Variants in TYW3 observed in about 807,000 individuals in gnomAD.
TYW3 encodes the protein tRNA-yW synthesizing protein 3 homolog.
Under a neutral mutation model 23.1 loss-of-function variants are expected in TYW3, and 26 were observed. The observed-to-expected ratio is 1.13, with a 90% CI of 0.83 to 1.56. The LOEUF is 1.56. TYW3 is among the 40% of genes most tolerant of loss of function. TYW3 has a pLI of 0.00. For missense variants in TYW3, 316 were observed against 311.9 expected, an observed-to-expected ratio of 1.01 and a Z score of -0.10; for synonymous variants, 102 against 105.7, an observed-to-expected ratio of 0.97 and a Z score of 0.21.
chr1:74,759,189 C>T (rs2100776791), intron 5 of TYW3, among the ~76,000 whole-genome samples: 1 of 152,028 alleles, frequency 6.6e-6, no homozygotes, highest in East Asian at 1.9e-4. Context: ...TTTCTATAGC[C>T]TAAGGAAGAA....
chr1:74,751,556 G>A, intron 4 of TYW3: 1 of 152,386 alleles, frequency 6.6e-6, no homozygotes, highest in Non-Finnish European at 1.5e-5. Context: ...TGTAATCCCA[G>A]CTACTCTGGA....
intron 2 of TYW3, among the ~76,000 whole-genome samples, chr1:74,738,162 G>A (rs967383627): frequency 6.6e-6 from 1 of 152,020 alleles, no homozygotes; most frequent in African/African-American, 2.4e-5. Flanking sequence ...AACTGTGCCT[G>A]TTACAGAGGG....
intron 2 of TYW3, among the ~76,000 whole-genome samples, chr1:74,737,143 TTC>T (rs1288414771): frequency 6.6e-6 from 1 of 152,190 alleles, no homozygotes; most frequent in African/African-American, 2.4e-5. Flanking sequence ...ACAAATCCAA[TTC>T]TGTTTTTAGC....
chr1:74,751,683 A>T (rs1355010630), intron 4 of TYW3, among the ~76,000 whole-genome samples: 1 of 152,080 alleles, frequency 6.6e-6, no homozygotes, highest in Non-Finnish European at 1.5e-5. Flanking sequence ...AAAAAAAAAA[A>T]GAAAATGTAT....
chr1:74,752,690 G>A (rs899902133), intron 5 of TYW3, among the ~76,000 whole-genome samples: 4 of 152,110 alleles, frequency 2.6e-5, no homozygotes, highest in Non-Finnish European at 5.9e-5. Flanking sequence ...GGCATAAAGG[G>A]GAGAAACATA....
rs777263703 is a variant in TYW3 at position 74,764,139 on chromosome 1, G to A, written c.*26G>A. 6.3e-6 allele frequency: 10 copies of A among 1,576,424 alleles called. No homozygotes were observed. Among genetic ancestry groups the A allele is most frequent in the South Asian group, 5.8e-5 (5 of 85,782 alleles). ...GCTTTGGTTCTGATGTGTCTTGGCC[G>A]TAATGTTTCTAGTAGGTTTTATAAA... On this transcript the variant is annotated 3_prime_UTR_variant, in exon 6 of 6. Coordinates refer to ENST00000370867, the MANE Select transcript of TYW3 (RefSeq NM_138467.3).
At chr1:74,740,606 T>C (rs964937098) in intron 3 of TYW3, among the ~76,000 whole-genome samples, 4 of 152,224 alleles carry the variant, frequency 2.6e-5, no homozygotes, top group Admixed American at 2.6e-4. Flanking sequence ...CATAGAGCGC[T>C]GATTGGTGCG....
Position 74,752,410 on chromosome 1 carries a change from A to G in TYW3, c.545A>G (p.Lys182Arg). 1 of 1,613,618 alleles carries G rather than the reference A, an allele frequency of 6.2e-7. No individual in the cohort carries two copies. The highest frequency in any genetic ancestry group is 1.3e-5 in the African/African-American group (1 of 75,046). ...NVANQKMEENKKRIERFYNCL... is the reference protein window; with the variant it reads ...NVANQKMEENRKRIERFYNCL... The stretch of plus-strand genomic sequence containing the variant: ...GCAAATCAAAAAATGGAGGAAAACA[A>G]GAAAAGAATTGAGAGGTATATTAAT... Residue 182 changes from lysine to arginine, a missense_variant, in exon 5 of 6, where the codon AAG (lysine) becomes AGG (arginine). Physicochemically the swap from Lys to Arg is conservative, Grantham distance 26. Coordinates refer to ENST00000370867, the MANE Select transcript of TYW3 (RefSeq NM_138467.3).
chr1:74,764,168 G>A lies in TYW3; in HGVS notation c.*55G>A. 6.8e-7 allele frequency: 1 copy of A among 1,466,428 alleles called. No individual in the cohort carries two copies. Among genetic ancestry groups the A allele is most frequent in the Non-Finnish European group, 9.3e-7 (1 of 1,071,386 alleles). The allele number at this position is 1,466,428 out of a possible 1,614,324, so 90.8% of individuals were successfully genotyped here. ...TGTTTCTAGTAGGTTTTATAAAGCT[G>A]CTCTTCATAAGAGTATTTTAGTTTG... On this transcript the variant is annotated 3_prime_UTR_variant, in exon 6 of 6. Coordinates refer to ENST00000370867, the MANE Select transcript of TYW3 (RefSeq NM_138467.3).
chr1:74,753,722 C>T (rs1648864820), intron 5 of TYW3, among the ~76,000 whole-genome samples: 1 of 152,196 alleles, frequency 6.6e-6, no homozygotes, highest in Non-Finnish European at 1.5e-5. Flanking sequence ...TAGCCATTCT[C>T]CTTCATTGAT....
intron 3 of TYW3, among the ~76,000 whole-genome samples, chr1:74,746,697 G>T (rs752613323): frequency 2.0e-4 from 31 of 152,296 alleles, no homozygotes; most frequent in Non-Finnish European, 4.1e-4. Context: ...TGCTGTGAAG[G>T]AGATAAGAAG....
chr1:74,749,013 T>C (rs1437366824), intron 4 of TYW3, among the ~76,000 whole-genome samples, 191 bp downstream of exon 4: 1 of 152,232 alleles, frequency 6.6e-6, no homozygotes, highest in Non-Finnish European at 1.5e-5. Context: ...TGAGGTCTTA[T>C]TTAATAATAT....
At chr1:74,758,876 A>G (rs28594379) in intron 5 of TYW3, among the ~76,000 whole-genome samples, 53,000 of 152,076 alleles carry the variant, frequency 0.35, 11,577 homozygotes, top group Non-Finnish European at 0.49. Flanking sequence ...ATCTTATCCT[A>G]CAATGTAACA....
intron 1 of TYW3, 146 bp from the exon 2 acceptor site, chr1:74,736,396 A>G: frequency 1.8e-6 from 1 of 547,354 alleles, no homozygotes; most frequent in Non-Finnish European, 2.9e-6. Flanking sequence ...AACATTACCC[A>G]AAAACATACC....
chr1:74,747,443 C>G (rs1338605560), intron 3 of TYW3, among the ~76,000 whole-genome samples: 1 of 150,734 alleles, frequency 6.6e-6, no homozygotes. Context: ...CGAGACCATC[C>G]CGGCTAAAAC....
intron 5 of TYW3, among the ~76,000 whole-genome samples, chr1:74,758,767 T>C (rs1469288835): frequency 6.6e-6 from 1 of 152,218 alleles, no homozygotes. Flanking sequence ...AATTACTTAA[T>C]TGCACATCTT....
chr1:74,745,194 A>G (rs1648513859), intron 3 of TYW3, among the ~76,000 whole-genome samples: 1 of 152,212 alleles, frequency 6.6e-6, no homozygotes, highest in Non-Finnish European at 1.5e-5. Flanking sequence ...TACAGCTCAT[A>G]AGGGTAGTGT....
intron 3 of TYW3, among the ~76,000 whole-genome samples, chr1:74,742,979 C>G (rs61790733): frequency 1.5e-3 from 227 of 152,266 alleles, no homozygotes; most frequent in Middle Eastern, 0.01. Context: ...GTTAAACATG[C>G]CCAGGGCTCA....
chr1:74,740,290 C>T (rs138967176), intron 3 of TYW3, among the ~76,000 whole-genome samples: 2 of 152,184 alleles, frequency 1.3e-5, no homozygotes, highest in East Asian at 3.8e-4. Context: ...TTTGTTCCTC[C>T]CAGTGGGTTC....
Sources: gnomAD v4.1 joint callset for allele counts (sites outside exome capture counted in the v4.1 genomes callset) on GRCh38, gnomAD v4.1.1 for gene constraint, MANE v1.5 for transcripts, NCBI Gene and HGNC (gene_info 2026-07-23, HGNC 2026-07-21) for gene names.